Variants in SORCS1 observed in about 807,000 individuals in gnomAD.
SORCS1 encodes VPS10 domain-containing receptor SorCS1.
In SORCS1, 60 loss-of-function variants were observed where a neutral mutation model predicts 146.1. The ratio of observed to expected loss-of-function variants is 0.41; its 90% confidence interval spans 0.33 to 0.51. The LOEUF is 0.51. Ranked by LOEUF, SORCS1 falls within the 20% of genes least tolerant of loss-of-function variation. The pLI is 0.21. For missense variants in SORCS1, 1,352 were observed against 1,487.6 expected, an observed-to-expected ratio of 0.91 and a Z score of 1.50; for synonymous variants, 637 against 584.0, an observed-to-expected ratio of 1.09 and a Z score of -1.31.
intron 2 of SORCS1, among the ~76,000 whole-genome samples, chr10:106,927,965 T>C (rs868803523): frequency 4.6e-5 from 7 of 152,210 alleles, no homozygotes; most frequent in Admixed American, 6.5e-5. Context: ...AGAGTGCCAA[T>C]TGGTGTATTT....
intron 1 of SORCS1, among the ~76,000 whole-genome samples, chr10:106,997,198 C>G (rs1451216330): frequency 6.6e-6 from 1 of 152,078 alleles, no homozygotes; most frequent in East Asian, 1.9e-4. Flanking sequence ...CATTACTTAC[C>G]TTTAGACTCA....
Position 106,618,168 on chromosome 10 carries a change from T to C in SORCS1, c.2901A>G (p.Thr967=). 1.2e-6 allele frequency: 2 copies of C among 1,614,084 alleles called. No individual in the cohort carries two copies. Among genetic ancestry groups the C allele is most frequent in the East Asian group, 2.2e-5 (1 of 44,870 alleles). ...ACTCACCATATACTGCGATGGTCTT[T>C]GTGTCTTGTAGGATGGCATTCCCAG... The part of the protein sequence containing the change: ...VSAGNAILQD[T]KTIAVYEEFR... Residue 967 remains threonine, a synonymous_variant, in exon 21 of 26, where the codon ACA becomes ACG. Coordinates refer to ENST00000263054, the MANE Select transcript of SORCS1 (RefSeq NM_052918.5).
intron 18 of SORCS1, among the ~76,000 whole-genome samples, chr10:106,631,745 C>G (rs1277899836): frequency 6.6e-6 from 1 of 152,196 alleles, no homozygotes; most frequent in Non-Finnish European, 1.5e-5. Flanking sequence ...AGCAGACACT[C>G]ACACAGCTGG....
intron 1 of SORCS1, among the ~76,000 whole-genome samples, chr10:107,105,997 A>G (rs567918531): frequency 6.6e-6 from 1 of 152,284 alleles, no homozygotes; most frequent in South Asian, 2.1e-4. Flanking sequence ...ATAGTCCAGG[A>G]AGTTAGGAAG....
intron 1 of SORCS1, among the ~76,000 whole-genome samples, chr10:106,958,394 A>C (rs1251352646): frequency 1.3e-5 from 2 of 152,202 alleles, no homozygotes; most frequent in African/African-American, 4.8e-5. Context: ...TTCTAACCTT[A>C]AATTCCGGGG....
chr10:107,144,827 C>G (rs1383399998), intron 1 of SORCS1, among the ~76,000 whole-genome samples: 1 of 152,206 alleles, frequency 6.6e-6, no homozygotes, highest in East Asian at 1.9e-4. Flanking sequence ...ACGATAGAGA[C>G]AGAGAGACAT....
rs908136614 is a variant in SORCS1, at chr10:106,647,079, A to T, written c.2475+5303T>A. ...TCATCCAAATTTGTGAGTCACCTTC[A>T]AAAGTATCTTTGCTATTCTTCAGGT... On this transcript the variant is annotated intron_variant, in intron 18 of 25. Transcript: ENST00000263054. Among the ~76,000 whole-genome samples, 4 of 149,112 alleles carry T rather than the reference A, an allele frequency of 2.7e-5. No individual in the cohort carries two copies. In the Admixed American group the frequency reaches 2.7e-4, roughly 10 times the overall value.
chr10:106,797,846 A>T (rs1946649643), intron 3 of SORCS1, among the ~76,000 whole-genome samples: 1 of 152,210 alleles, frequency 6.6e-6, no homozygotes, highest in African/African-American at 2.4e-5. Context: ...ACACAGATGT[A>T]AAAAGTAAAA....
rs2134024724 is a variant in SORCS1 at position 107,047,123 on chromosome 10, G to A, written c.559-90543C>T. Among the ~76,000 whole-genome samples the A allele has an allele frequency of 2.0e-5, 3 of 152,168 alleles. No individual in the cohort carries two copies. The Middle Eastern group carries it at 0.01, about 518-fold the overall frequency. On this transcript the variant is annotated intron_variant, in intron 1 of 25. Coordinates refer to ENST00000263054, the MANE Select transcript of SORCS1 (RefSeq NM_052918.5). ...CCTGCCTCGGCCTCCCAGGTAGCTG[G>A]GATTACAGGTGTGCACCACCACACC... is the stretch of plus-strand genomic sequence containing the variant.
intron 23 of SORCS1, among the ~76,000 whole-genome samples, chr10:106,604,988 G>A (rs897431113): frequency 6.6e-6 from 1 of 152,164 alleles, no homozygotes; most frequent in East Asian, 1.9e-4. Flanking sequence ...CGGTAAAATG[G>A]ACATAATAAA....
chr10:107,051,131 G>T, intron 1 of SORCS1, among the ~76,000 whole-genome samples: 1 of 152,002 alleles, frequency 6.6e-6, no homozygotes, highest in East Asian at 1.9e-4. Flanking sequence ...CTAGAATATT[G>T]TTCTCAAGGA....
At chr10:106,720,718 T>C (rs1371575411) in intron 6 of SORCS1, among the ~76,000 whole-genome samples, 1 of 152,006 alleles carries the variant, frequency 6.6e-6, no homozygotes, top group Non-Finnish European at 1.5e-5. Context: ...TGTCCTAAAG[T>C]TAAGGCCTGT....
intron 3 of SORCS1, among the ~76,000 whole-genome samples, chr10:106,819,847 G>C (rs1947925995): frequency 6.6e-6 from 1 of 152,166 alleles, no homozygotes; most frequent in Non-Finnish European, 1.5e-5. Flanking sequence ...TCCTCTCTCT[G>C]AGAGATCTCC....
At chr10:107,027,361 A>T (rs1476369142) in intron 1 of SORCS1, among the ~76,000 whole-genome samples, 2 of 151,748 alleles carry the variant, frequency 1.3e-5, no homozygotes, top group African/African-American at 2.4e-5. Context: ...TCCCCATCCG[A>T]GCATCCATTT....
chr10:106,852,393 G>C (rs984326387), intron 2 of SORCS1, among the ~76,000 whole-genome samples: 2 of 152,048 alleles, frequency 1.3e-5, no homozygotes, highest in Non-Finnish European at 2.9e-5. Context: ...ACTTTCGAAG[G>C]CTGAGGCAGT....
rs546869450 is a variant in SORCS1, at chr10:106,970,301, T to C, written c.559-13721A>G. ...TCTGAGTAGTCTTCCTTGACTCTAT[T>C]ATCCCCTTCTTCCCTCCAAATGTAA... is the stretch of plus-strand genomic sequence containing the variant. On this transcript the variant is annotated intron_variant, in intron 1 of 25. Transcript: ENST00000263054. Among the ~76,000 whole-genome samples, 64 of 150,272 alleles carry C rather than the reference T, an allele frequency of 4.3e-4. 2 individuals are homozygous for C. The highest frequency in any genetic ancestry group is 3.5e-3 in the Middle Eastern group (1 of 284).
At chr10:106,613,299 G>A (rs1035146377) in intron 21 of SORCS1, among the ~76,000 whole-genome samples, 7 of 152,118 alleles carry the variant, frequency 4.6e-5, no homozygotes, top group Admixed American at 6.5e-5. Flanking sequence ...AAGTGGGCAG[G>A]AAGCCACAGG....
chr10:106,725,933 G>A (rs1856126659), intron 6 of SORCS1, among the ~76,000 whole-genome samples: 1 of 135,396 alleles, frequency 7.4e-6, no homozygotes, highest in African/African-American at 2.8e-5. Flanking sequence ...TCTGTCTCAG[G>A]AAAAAAAAAA....
rs540917622 is a variant in SORCS1 at position 106,683,444 on chromosome 10, G to T, written c.1561-3710C>A. Reference sequence around the variant, plus strand: ...ACAGAAATGCAGACTTGGTCTTTTTGTACCTGGCTTATTTCACTTAGCATA... The same window carrying T: ...ACAGAAATGCAGACTTGGTCTTTTTTTACCTGGCTTATTTCACTTAGCATA... On this transcript the variant is annotated intron_variant, in intron 10 of 25. Transcript: ENST00000263054. Among the ~76,000 whole-genome samples the T allele has an allele frequency of 1.1e-4, 17 of 152,142 alleles. No homozygotes were observed. The South Asian group carries it at 3.5e-3, about 32-fold the overall frequency.
Sources: allele counts gnomAD v4.1 joint callset (sites outside exome capture counted in the v4.1 genomes callset), GRCh38; gene constraint gnomAD v4.1.1; transcripts MANE v1.5; gene names NCBI Gene and HGNC (gene_info 2026-07-23, HGNC 2026-07-21).